Variants in CAMKMT observed in about 807,000 individuals in gnomAD.
CAMKMT encodes calmodulin-lysine N-methyltransferase.
In CAMKMT, 53 loss-of-function variants were observed where a neutral mutation model predicts 48.0. The ratio of observed to expected loss-of-function variants is 1.10; its 90% CI spans 0.89 to 1.39. CAMKMT has a LOEUF of 1.39. Among genes scored for constraint, CAMKMT ranks in the 40% most tolerant of loss-of-function variants. The pLI, the probability that CAMKMT is intolerant of heterozygous loss-of-function variation, is 0.00. For synonymous variants in CAMKMT, 165 were observed against 152.3 expected, an observed-to-expected ratio of 1.08 and a Z score of -0.61; for missense variants, 428 against 402.7, an observed-to-expected ratio of 1.06 and a Z score of -0.54.
intron 3 of CAMKMT, among the ~76,000 whole-genome samples, chr2:44,641,604 C>T (rs1200726926): frequency 6.6e-6 from 1 of 152,064 alleles, no homozygotes; most frequent in Non-Finnish European, 1.5e-5. Context: ...GTCACCCAGG[C>T]TGGAGTGCAG....
intron 3 of CAMKMT, among the ~76,000 whole-genome samples, chr2:44,417,431 C>A (rs370671265): frequency 5.6e-4 from 85 of 152,016 alleles, no homozygotes; most frequent in African/African-American, 2.0e-3. Context: ...TAAATATGCC[C>A]ACAATTCATT....
chr2:44,456,685 G>A lies in CAMKMT; in HGVS notation c.376+66380G>A, dbSNP rs961210832. 15 of 1,361,132 alleles carry A rather than the reference G, an allele frequency of 1.1e-5. 1 individual carries two copies. The highest frequency in any genetic ancestry group is 1.8e-4 in the Middle Eastern group (1 of 5,588). The allele number at this position is 1,361,132 out of a possible 1,614,324, so 84.3% of individuals were successfully genotyped here. A position where few individuals can be genotyped will look rare whatever the true frequency, so the allele number is the denominator to read the frequency against. On this transcript the variant is annotated intron_variant, in intron 3 of 10. Coordinates refer to ENST00000378494, the MANE Select transcript of CAMKMT (RefSeq NM_024766.5). ...TATAAGAAAAGATGTTTTGGCCAAG[G>A]CATCCTACCTCTGCTTGTCTTCATG...
intron 9 of CAMKMT, among the ~76,000 whole-genome samples, chr2:44,759,563 G>A (rs548813364): frequency 2.0e-4 from 30 of 152,240 alleles, no homozygotes; most frequent in Non-Finnish European, 4.0e-4. Context: ...AACTGAAATG[G>A]TGCTGAGACA....
intron 1 of CAMKMT, among the ~76,000 whole-genome samples, chr2:44,369,476 A>G (rs1354114073): frequency 6.6e-6 from 1 of 152,214 alleles, no homozygotes; most frequent in African/African-American, 2.4e-5. Flanking sequence ...GGTTTAGCAT[A>G]GTGAATTAAG....
At chr2:44,723,646 AAATAAATAAAAT>A (rs1314828204) in intron 7 of CAMKMT, 192 of 144,856 alleles carry the variant, frequency 1.3e-3, no homozygotes, top group African/African-American at 5.1e-3. Flanking sequence ...ATAAATAAAT[AAATAAATAAAAT>A]AATAAAGTTG....
chr2:44,629,590 C>CATG (rs1482116259), intron 3 of CAMKMT, among the ~76,000 whole-genome samples: 17 of 152,044 alleles, frequency 1.1e-4, no homozygotes, highest in African/African-American at 3.6e-4. Context: ...AGGTGCACAC[C>CATG]ACCATGCCTG....
chr2:44,632,805 G>T (rs1299667994), intron 3 of CAMKMT, among the ~76,000 whole-genome samples: 1 of 152,116 alleles, frequency 6.6e-6, no homozygotes, highest in Non-Finnish European at 1.5e-5. Context: ...GACTAGACTG[G>T]CCTAGCCTCC....
At chr2:44,719,043 A>G (rs1002623109) in intron 7 of CAMKMT, among the ~76,000 whole-genome samples, 2 of 152,192 alleles carry the variant, frequency 1.3e-5, no homozygotes, top group Non-Finnish European at 2.9e-5. Context: ...CCAACCAAGT[A>G]GAATCCAGTG....
chr2:44,757,828 T>C (rs1680445266), intron 9 of CAMKMT, among the ~76,000 whole-genome samples: 1 of 152,170 alleles, frequency 6.6e-6, no homozygotes, highest in East Asian at 1.9e-4. Flanking sequence ...CCCCTTGGCC[T>C]ACCAAAGTGC....
intron 3 of CAMKMT, among the ~76,000 whole-genome samples, chr2:44,694,448 C>A (rs886192494): frequency 1.3e-5 from 2 of 152,126 alleles, no homozygotes; most frequent in Non-Finnish European, 2.9e-5. Flanking sequence ...GTGGTGCACA[C>A]CTGTAGTCCC....
intron 3 of CAMKMT, among the ~76,000 whole-genome samples, chr2:44,662,857 C>T (rs1269990649): frequency 1.3e-5 from 2 of 152,118 alleles, no homozygotes; most frequent in Non-Finnish European, 2.9e-5. Context: ...TGCTATTGTT[C>T]CTGGCCTAAC....
intron 3 of CAMKMT, among the ~76,000 whole-genome samples, chr2:44,575,506 T>C (rs189104945): frequency 6.6e-6 from 1 of 152,366 alleles, no homozygotes; most frequent in East Asian, 1.9e-4. Context: ...TCTTTTTTTC[T>C]GTATGGCTTT....
At chr2:44,595,872 A>G (rs1670621970) in intron 3 of CAMKMT, among the ~76,000 whole-genome samples, 1 of 152,064 alleles carries the variant, frequency 6.6e-6, no homozygotes, top group South Asian at 2.1e-4. Context: ...TTCTCAGCAA[A>G]CTAACACAAG....
intron 3 of CAMKMT, among the ~76,000 whole-genome samples, chr2:44,560,683 T>C (rs1366220826): frequency 1.3e-5 from 2 of 152,260 alleles, no homozygotes; most frequent in Non-Finnish European, 2.9e-5. Context: ...TTAAGCTCTT[T>C]GGACAATAGT....
chr2:44,376,130 G>T (rs1012782988), intron 2 of CAMKMT, among the ~76,000 whole-genome samples: 1 of 152,030 alleles, frequency 6.6e-6, no homozygotes, highest in Non-Finnish European at 1.5e-5. Flanking sequence ...GAGATTTTGG[G>T]CTGGGCACAG....
chr2:44,732,369 T>A (rs977124248), intron 7 of CAMKMT, among the ~76,000 whole-genome samples: 9 of 152,254 alleles, frequency 5.9e-5, no homozygotes, highest in Admixed American at 1.3e-4. Flanking sequence ...GATTTTAATA[T>A]TGTGATGAAA....
At chr2:44,673,427 T>TAAA (rs74625457) in intron 3 of CAMKMT, among the ~76,000 whole-genome samples, 1 of 111,444 alleles carries the variant, frequency 9.0e-6, no homozygotes, top group Non-Finnish European at 1.8e-5. Context: ...AGACCCTGTT[T>TAAA]AAAAAAAAAA....
At chr2:44,665,934 A>T (rs1674940703) in intron 3 of CAMKMT, among the ~76,000 whole-genome samples, 1 of 152,198 alleles carries the variant, frequency 6.6e-6, no homozygotes, top group South Asian at 2.1e-4. Flanking sequence ...TTGTCCTTTA[A>T]AGGTGGCCAA....
At chr2:44,497,552 C>T (rs1669806047) in intron 3 of CAMKMT, among the ~76,000 whole-genome samples, 1 of 151,962 alleles carries the variant, frequency 6.6e-6, no homozygotes, top group Admixed American at 6.6e-5. Flanking sequence ...TAAAGATACA[C>T]CTGAAAGTTA....
Sources: gnomAD v4.1 joint callset for allele counts (sites outside exome capture counted in the v4.1 genomes callset) on GRCh38, gnomAD v4.1.1 for gene constraint, MANE v1.5 for transcripts, NCBI Gene and HGNC (gene_info 2026-07-23, HGNC 2026-07-21) for gene names.